The following FARS2 variants were observed in gnomAD, a reference collection of about 807,000 sequenced individuals.
The protein encoded by FARS2 is phenylalanine--tRNA ligase, mitochondrial.
Under a neutral mutation model 46.4 loss-of-function variants are expected in FARS2, and 40 were observed. The ratio of observed to expected loss-of-function variants is 0.86; its 90% CI spans 0.67 to 1.12. FARS2 has a LOEUF of 1.12. FARS2 is among the 50% of genes most tolerant of loss of function. The pLI is 0.00. For synonymous variants in FARS2, 234 were observed against 214.9 expected, an observed-to-expected ratio of 1.09 and a Z score of -0.78; for missense variants, 513 against 567.9, an observed-to-expected ratio of 0.90 and a Z score of 0.98.
At chr6:5,650,523 T>C (rs1777300888) in intron 6 of FARS2, among the ~76,000 whole-genome samples, 2 of 152,020 alleles carry the variant, frequency 1.3e-5, no homozygotes, top group Admixed American at 1.3e-4. Context: ...TGTAGTAACT[T>C]TGTCTGGAGT....
At chr6:5,699,104 C>T (rs1758270204) in intron 6 of FARS2, among the ~76,000 whole-genome samples, 1 of 152,142 alleles carries the variant, frequency 6.6e-6, no homozygotes. Flanking sequence ...CTGGTAGGGC[C>T]TTTTACAAGC....
intron 4 of FARS2, among the ~76,000 whole-genome samples, chr6:5,533,731 T>C (rs1380821403): frequency 1.3e-5 from 2 of 152,194 alleles, no homozygotes; most frequent in Non-Finnish European, 2.9e-5. Context: ...TTCAAGTGGA[T>C]GGCTGGGAGA....
intron 4 of FARS2, among the ~76,000 whole-genome samples, chr6:5,492,081 A>T (rs946178267): frequency 1.3e-5 from 2 of 152,244 alleles, no homozygotes; most frequent in Non-Finnish European, 2.9e-5. Context: ...CTCATTTTCT[A>T]TGAAACGGTA....
intron 6 of FARS2, among the ~76,000 whole-genome samples, chr6:5,721,559 A>G (rs755237558): frequency 1.3e-5 from 2 of 152,326 alleles, no homozygotes; most frequent in Admixed American, 6.5e-5. Flanking sequence ...GCATCATTCA[A>G]TTAGAAATAT....
At chr6:5,673,209 A>G (rs1778572148) in intron 6 of FARS2, among the ~76,000 whole-genome samples, 1 of 152,192 alleles carries the variant, frequency 6.6e-6, no homozygotes, top group South Asian at 2.1e-4. Flanking sequence ...TCCCACGTTG[A>G]TTATAATCAT....
intron 6 of FARS2, among the ~76,000 whole-genome samples, chr6:5,651,616 G>A (rs576706462): frequency 6.6e-6 from 1 of 152,318 alleles, no homozygotes; most frequent in African/African-American, 2.4e-5. Flanking sequence ...AGAGCTGAAG[G>A]CTTCAGGGAC....
At chr6:5,285,871 G>A (rs967642430) in intron 1 of FARS2, among the ~76,000 whole-genome samples, 2 of 152,164 alleles carry the variant, frequency 1.3e-5, no homozygotes, top group African/African-American at 4.8e-5. Context: ...TTTGCACGGG[G>A]CTTCTTCTCT....
intron 5 of FARS2, among the ~76,000 whole-genome samples, chr6:5,591,853 T>C (rs964716916): frequency 2.6e-5 from 4 of 152,228 alleles, no homozygotes; most frequent in Admixed American, 2.0e-4. Context: ...TTTAAATTAA[T>C]TTAACCCATA....
At chr6:5,278,067 C>T (rs1766461713) in intron 1 of FARS2, among the ~76,000 whole-genome samples, 2 of 152,182 alleles carry the variant, frequency 1.3e-5, no homozygotes, top group Admixed American at 6.5e-5. Flanking sequence ...TCACATAAAG[C>T]AGCTGACTGT....
chr6:5,401,199 A>G (rs1183893344), intron 2 of FARS2, among the ~76,000 whole-genome samples: 1 of 152,058 alleles, frequency 6.6e-6, no homozygotes, highest in Non-Finnish European at 1.5e-5. Context: ...ATCATAATAT[A>G]TTGTGGTGTT....
intron 1 of FARS2, among the ~76,000 whole-genome samples, chr6:5,341,227 ATATATATATT>A: frequency 2.2e-4 from 1 of 4,646 alleles, no homozygotes; most frequent in South Asian, 0.012. Context: ...ATATATATAT[ATATATATATT>A]TTTTTTTTTT....
chr6:5,567,946 C>T (rs1450647560), intron 5 of FARS2, among the ~76,000 whole-genome samples: 3 of 152,224 alleles, frequency 2.0e-5, no homozygotes, highest in African/African-American at 7.2e-5. Flanking sequence ...GTAGGATTTT[C>T]CTATCTCCTC....
At chr6:5,347,422 A>G (rs1757309249) in intron 1 of FARS2, among the ~76,000 whole-genome samples, 1 of 152,064 alleles carries the variant, frequency 6.6e-6, no homozygotes, top group Non-Finnish European at 1.5e-5. Flanking sequence ...AGAGTCATAT[A>G]TATTCTTTGT....
In FARS2 at chr6:5,771,459, C is replaced by T; in HGVS notation, c.*30C>T. ...ACCACTTCACTCAGGCTGCAGCCCT[C>T]TTGGGGCTCCAGGATTTGCTGAAAG... is the stretch of plus-strand genomic sequence containing the variant. On this transcript the variant is annotated 3_prime_UTR_variant, in exon 7 of 7. Transcript: ENST00000274680. 6.3e-7 allele frequency: 1 copy of T among 1,586,492 alleles called. No individual in the cohort carries two copies. The highest frequency in any genetic ancestry group is 8.5e-7 in the Non-Finnish European group (1 of 1,170,250).
chr6:5,260,705 A>C (rs1744225509), upstream of FARS2: 2 of 1,553,694 alleles, frequency 1.3e-6, no homozygotes, highest in South Asian at 2.4e-5. Context: ...GTACAGAGAT[A>C]ACACTTGTGC....
chr6:5,383,128 A>G (rs1759894970), intron 2 of FARS2, among the ~76,000 whole-genome samples: 1 of 152,224 alleles, frequency 6.6e-6, no homozygotes, highest in Non-Finnish European at 1.5e-5. Flanking sequence ...CATAAAATTA[A>G]CCATCATACC....
chr6:5,365,381 G>A lies in FARS2; in HGVS notation c.-21-3169G>A, dbSNP rs536656858. 5.4e-5 allele frequency among the ~76,000 whole-genome samples: 7 copies of A among 130,362 alleles called. No individual in the cohort carries two copies. In the South Asian group the frequency reaches 1.7e-3, roughly 31 times the overall value. 85.5% of individuals were successfully genotyped at this position (130,362 alleles called of 152,430 possible). A position where few individuals can be genotyped will look rare whatever the true frequency, so the allele number is the denominator to read the frequency against. On this transcript the variant is annotated intron_variant, in intron 1 of 6. Coordinates refer to ENST00000274680, the MANE Select transcript of FARS2 (RefSeq NM_006567.5). ...GAGTCTCACTCTGTCACCCAAGCTG[G>A]AGTGCAGTGGTGCAATCCTGGCTTA...
chr6:5,728,163 C>T (rs1011190633), intron 6 of FARS2, among the ~76,000 whole-genome samples: 4 of 152,156 alleles, frequency 2.6e-5, no homozygotes, highest in Admixed American at 6.5e-5. Flanking sequence ...CCAGGGTTTC[C>T]GATCACAGGG....
intron 6 of FARS2, among the ~76,000 whole-genome samples, chr6:5,690,586 T>A (rs1012292319): frequency 1.3e-5 from 2 of 151,594 alleles, no homozygotes; most frequent in African/African-American, 4.9e-5. Flanking sequence ...CTGATGGGCT[T>A]CCCTTTGTGG....
Sources: gnomAD v4.1 joint callset for allele counts (sites outside exome capture counted in the v4.1 genomes callset) on GRCh38, gnomAD v4.1.1 for gene constraint, MANE v1.5 for transcripts, NCBI Gene and HGNC (gene_info 2026-07-23, HGNC 2026-07-21) for gene names.